Variants in CHL1 observed in about 807,000 individuals in gnomAD.
CHL1 encodes the protein cell adhesion molecule L1 like.
In CHL1, 96 loss-of-function variants were observed where a neutral mutation model predicts 141.9. The observed-to-expected ratio is 0.68, with a 90% confidence interval of 0.57 to 0.80. The LOEUF (loss-of-function observed/expected upper bound fraction) is 0.80, where lower values mean the gene tolerates loss of function less well. Among genes scored for constraint, CHL1 ranks in the 30% least tolerant of loss-of-function variants. The pLI, the probability that CHL1 is intolerant of heterozygous loss-of-function variation, is 0.00. For synonymous variants in CHL1, 613 were observed against 502.2 expected (o/e 1.22, Z -2.95); for missense variants, 1,820 against 1,457.2 (o/e 1.25, Z -4.05).
chr3:302,281 A>G (rs1209268896), intron 2 of CHL1, among the ~76,000 whole-genome samples: 1 of 152,354 alleles, frequency 6.6e-6, no homozygotes. Context: ...TTGCTGGGTC[A>G]AATGGTATTT....
chr3:391,514 C>G (rs186669715), intron 22 of CHL1, among the ~76,000 whole-genome samples, 161 bp from the exon 23 acceptor site: 15 of 152,092 alleles, frequency 9.9e-5, no homozygotes, highest in Admixed American at 3.3e-4. Context: ...GAGACTCTGT[C>G]TCAAAAAAAT....
At chr3:298,967 G>A (rs563624944) in intron 2 of CHL1, among the ~76,000 whole-genome samples, 6 of 152,270 alleles carry the variant, frequency 3.9e-5, no homozygotes, top group South Asian at 2.1e-4. Flanking sequence ...TAACAATGCC[G>A]TGTTAAGGTG....
chr3:339,372 A>T (rs1702185925), intron 5 of CHL1, among the ~76,000 whole-genome samples: 1 of 152,252 alleles, frequency 6.6e-6, no homozygotes, highest in Admixed American at 6.5e-5. Flanking sequence ...AATATACTAA[A>T]CATACTTTCC....
intron 11 of CHL1, among the ~76,000 whole-genome samples, chr3:356,445 A>C (rs1575150042): frequency 6.6e-6 from 1 of 152,170 alleles, no homozygotes; most frequent in East Asian, 1.9e-4. Context: ...CCGGCACTGG[A>C]CTTCATGCTT....
intron 15 of CHL1, among the ~76,000 whole-genome samples, chr3:371,864 A>G (rs963354433): frequency 6.6e-6 from 1 of 152,096 alleles, no homozygotes; most frequent in Admixed American, 6.5e-5. Context: ...TTCACTTGTG[A>G]AGCTTAGTTT....
At chr3:371,226 G>A (rs758115440) in intron 15 of CHL1, among the ~76,000 whole-genome samples, 2 of 152,220 alleles carry the variant, frequency 1.3e-5, no homozygotes, top group African/African-American at 4.8e-5. Flanking sequence ...CACTATTATT[G>A]TGTGGGAGTC....
intron 2 of CHL1, among the ~76,000 whole-genome samples, chr3:281,590 C>CTTTTTTATTTTTT (rs1696659749): frequency 6.7e-6 from 1 of 149,558 alleles, no homozygotes; most frequent in African/African-American, 2.5e-5. Context: ...GACAAAGTCC[C>CTTTTTTATTTTTT]ACTCTGTCGC....
intron 11 of CHL1, among the ~76,000 whole-genome samples, chr3:359,777 A>G (rs1451890928): frequency 6.6e-6 from 1 of 152,216 alleles, no homozygotes; most frequent in Non-Finnish European, 1.5e-5. Context: ...TAAATAGTGA[A>G]GCAAGGCAAA....
At chr3:311,495 A>G (rs942163699) in intron 2 of CHL1, among the ~76,000 whole-genome samples, 1 of 151,498 alleles carries the variant, frequency 6.6e-6, no homozygotes, top group South Asian at 2.1e-4. Flanking sequence ...TTTATTATCC[A>G]CGGCTCCTGC....
In CHL1 at chr3:401,619, T is replaced by C. The variant is rs7613804; in HGVS notation, c.3386-7T>C. 0.01 allele frequency: 16,221 copies of C among 1,563,288 alleles called. 1,438 individuals carry two copies. In the African/African-American group the frequency reaches 0.19, roughly 19 times the overall value. On this transcript the variant is annotated splice_polypyrimidine_tract_variant and splice_region_variant and intron_variant, in intron 26 of 27. Coordinates refer to ENST00000256509, the MANE Select transcript of CHL1 (RefSeq NM_006614.4). Reference sequence around the variant, plus strand: ...ATTACTTTTCCCACTTTTTTTCTCTTTTTTAGTTAAAGAAAAGGAAGATTT... The same window carrying C: ...ATTACTTTTCCCACTTTTTTTCTCTCTTTTAGTTAAAGAAAAGGAAGATTT...
chr3:311,941 T>A (rs972520519), intron 2 of CHL1, among the ~76,000 whole-genome samples: 1 of 152,234 alleles, frequency 6.6e-6, no homozygotes, highest in African/African-American at 2.4e-5. Flanking sequence ...TGAATTTCCG[T>A]AATTTTCTTT....
At chr3:276,530 T>C (rs1574934722) in intron 2 of CHL1, among the ~76,000 whole-genome samples, 1 of 152,224 alleles carries the variant, frequency 6.6e-6, no homozygotes, top group Middle Eastern at 3.4e-3. Flanking sequence ...GAAAATCTCC[T>C]GATTAAAAGA....
chr3:386,057 C>A (rs1707672148), intron 19 of CHL1, among the ~76,000 whole-genome samples: 1 of 151,950 alleles, frequency 6.6e-6, no homozygotes. Flanking sequence ...GAGTATGGTT[C>A]TGTATGGATC....
At chr3:299,389 A>G (rs1296217816) in intron 2 of CHL1, among the ~76,000 whole-genome samples, 1 of 152,148 alleles carries the variant, frequency 6.6e-6, no homozygotes, top group East Asian at 1.9e-4. Context: ...ACATATGGAC[A>G]TGGGGGTGCT....
At chr3:352,052 C>G (rs940603152) in intron 10 of CHL1, among the ~76,000 whole-genome samples, 1 of 151,976 alleles carries the variant, frequency 6.6e-6, no homozygotes, top group Non-Finnish European at 1.5e-5. Context: ...TTATTTAAAG[C>G]CTTTGAATTT....
intron 2 of CHL1, among the ~76,000 whole-genome samples, chr3:263,109 C>G (rs760924127): frequency 2.6e-5 from 4 of 152,172 alleles, no homozygotes; most frequent in African/African-American, 4.8e-5. Context: ...GATTTCTCTG[C>G]TAAATAAGTT....
intron 1 of CHL1, among the ~76,000 whole-genome samples, chr3:209,622 T>C (rs1699730422): frequency 1.3e-5 from 2 of 152,156 alleles, no homozygotes; most frequent in South Asian, 4.1e-4. Flanking sequence ...CGTGCAGGTT[T>C]GTTACATATG....
In CHL1 at chr3:409,041, G is replaced by T. The variant is rs1393879566; in HGVS notation, c.*3330G>T. 3 of 151,958 alleles carry T rather than the reference G, an allele frequency of 2.0e-5. No individual in the cohort carries two copies. Among genetic ancestry groups the T allele is most frequent in the Non-Finnish European group, 4.4e-5 (3 of 67,970 alleles). 9.4% of individuals were successfully genotyped at this position (151,958 alleles called of 1,614,324 possible). Reference sequence around the variant, plus strand: ...AATTGCCAATTGAAACCCTAAATATGTTTACATACCATTAAGATATGATTC... The same window carrying T: ...AATTGCCAATTGAAACCCTAAATATTTTTACATACCATTAAGATATGATTC... On this transcript the variant is annotated 3_prime_UTR_variant, in exon 28 of 28. Transcript: ENST00000256509.
At chr3:365,343 C>T (rs927992372) in intron 14 of CHL1, among the ~76,000 whole-genome samples, 3 of 152,148 alleles carry the variant, frequency 2.0e-5, no homozygotes, top group Admixed American at 6.6e-5. Context: ...TTGTTTCAAA[C>T]TATCACTCCC....
Sources: gnomAD v4.1 joint callset for allele counts (sites outside exome capture counted in the v4.1 genomes callset) on GRCh38, gnomAD v4.1.1 for gene constraint, MANE v1.5 for transcripts, NCBI Gene and HGNC (gene_info 2026-07-23, HGNC 2026-07-21) for gene names.